NKAIN2: variants seen among roughly 807,000 people sequenced by gnomAD.
NKAIN2 encodes sodium/potassium transporting ATPase interacting 2, also known as sodium/potassium-transporting ATPase subunit beta-1-interacting protein 2.
NKAIN2 carries 14 observed loss-of-function variants against 32.6 expected under a neutral mutation model. That is an observed-to-expected ratio of 0.43 (90% CI 0.28 to 0.67). The LOEUF (loss-of-function observed/expected upper bound fraction) is 0.67. Ranked by LOEUF, NKAIN2 falls within the 30% of genes least tolerant of loss-of-function variation. The pLI is 0.17. For missense variants in NKAIN2, 198 were observed against 258.3 expected (o/e 0.77, Z 1.60); for synonymous variants, 80 against 87.2 (o/e 0.92, Z 0.46).
chr6:124,711,555 TC>T (rs1365272778), intron 4 of NKAIN2, among the ~76,000 whole-genome samples: 4 of 151,062 alleles, frequency 2.6e-5, no homozygotes, highest in African/African-American at 9.7e-5. Flanking sequence ...CCTTCTCGCT[TC>T]ATTTCATTCA....
chr6:124,627,990 CACAT>C (rs1257460186), intron 3 of NKAIN2, among the ~76,000 whole-genome samples: 3 of 152,308 alleles, frequency 2.0e-5, no homozygotes, highest in South Asian at 4.1e-4. Context: ...CACTTACATT[CACAT>C]ACATACACAC....
At position 124,256,991 on chromosome 6, in the gene NKAIN2, A is replaced by G. The variant is rs555865336; in HGVS notation, c.55-26014A>G. Among the ~76,000 whole-genome samples, 342 of 150,414 alleles carry G rather than the reference A, an allele frequency of 2.3e-3. 1 individual carries two copies. The highest frequency in any genetic ancestry group is 7.9e-3 in the African/African-American group (324 of 40,838). ...TTTGGAAGTGAGGGAGATAAATACA[A>G]TCTTATGCCTGAGATCTCTGATGGT... is the stretch of plus-strand genomic sequence containing the variant. On this transcript the variant is annotated intron_variant, in intron 1 of 6. Transcript: ENST00000368417.
chr6:124,521,544 C>T (rs1246684415), intron 3 of NKAIN2, among the ~76,000 whole-genome samples: 2 of 152,092 alleles, frequency 1.3e-5, no homozygotes, highest in African/African-American at 4.8e-5. Context: ...GGGACAAATA[C>T]GTGAATGCTG....
At chr6:124,556,785 T>G (rs1415728004) in intron 3 of NKAIN2, among the ~76,000 whole-genome samples, 1 of 152,214 alleles carries the variant, frequency 6.6e-6, no homozygotes, top group Non-Finnish European at 1.5e-5. Context: ...GTTTCATACT[T>G]TGTTGAAGTC....
At chr6:124,085,068 T>C (rs940836126) in intron 1 of NKAIN2, among the ~76,000 whole-genome samples, 3 of 151,998 alleles carry the variant, frequency 2.0e-5, no homozygotes, top group Non-Finnish European at 4.4e-5. Context: ...ATAGTGTATT[T>C]TGTAGGGAGA....
intron 1 of NKAIN2, among the ~76,000 whole-genome samples, chr6:124,093,190 C>T (rs1230638447): frequency 2.0e-5 from 3 of 152,212 alleles, no homozygotes; most frequent in Middle Eastern, 3.4e-3. Context: ...ATGGGGAAGA[C>T]AACCATGGCT....
intron 1 of NKAIN2, among the ~76,000 whole-genome samples, chr6:124,131,531 C>T (rs531059912): frequency 2.1e-4 from 32 of 152,198 alleles, no homozygotes; most frequent in East Asian, 3.9e-4. Flanking sequence ...GCAAAATCAG[C>T]GAGACAGGCA....
intron 1 of NKAIN2, among the ~76,000 whole-genome samples, chr6:124,248,560 A>G (rs1793534136): frequency 6.6e-6 from 1 of 152,118 alleles, no homozygotes; most frequent in East Asian, 1.9e-4. Flanking sequence ...TTCAAACATT[A>G]TCATACATTC....
intron 3 of NKAIN2, among the ~76,000 whole-genome samples, chr6:124,356,614 G>C (rs556662452): frequency 3.4e-4 from 52 of 152,164 alleles, no homozygotes; most frequent in African/African-American, 1.2e-3. Context: ...TGGTTAGCAG[G>C]CAGCCTTTTC....
intron 1 of NKAIN2, among the ~76,000 whole-genome samples, chr6:123,922,611 G>A (rs1278406399): frequency 6.6e-6 from 1 of 152,108 alleles, no homozygotes; most frequent in Admixed American, 6.6e-5. Flanking sequence ...CCAAATTTTA[G>A]AATTATGTGC....
intron 2 of NKAIN2, among the ~76,000 whole-genome samples, chr6:124,314,309 A>G (rs1298493082): frequency 6.6e-6 from 1 of 152,156 alleles, no homozygotes; most frequent in Non-Finnish European, 1.5e-5. Context: ...CAAACCATTC[A>G]GGACTTTGGG....
At chr6:124,467,603 G>A (rs1237211196) in intron 3 of NKAIN2, among the ~76,000 whole-genome samples, 1 of 151,960 alleles carries the variant, frequency 6.6e-6, no homozygotes, top group East Asian at 1.9e-4. Context: ...GTGATTCAAA[G>A]TCTAGGGCAA....
intron 4 of NKAIN2, among the ~76,000 whole-genome samples, chr6:124,699,912 A>G (rs193260989): frequency 6.6e-6 from 1 of 152,336 alleles, no homozygotes; most frequent in East Asian, 1.9e-4. Context: ...GCAAGATCAC[A>G]TTGAGAAGAG....
At chr6:124,600,363 G>A (rs1305234470) in intron 3 of NKAIN2, among the ~76,000 whole-genome samples, 4 of 151,830 alleles carry the variant, frequency 2.6e-5, no homozygotes, top group Admixed American at 2.0e-4. Flanking sequence ...ATATAGAAGC[G>A]GTCAATCTGA....
At chr6:123,940,849 A>T (rs1020620644) in intron 1 of NKAIN2, among the ~76,000 whole-genome samples, 10 of 151,910 alleles carry the variant, frequency 6.6e-5, no homozygotes, top group East Asian at 3.9e-4. Flanking sequence ...TATTTAAAAA[A>T]TTTTTCATTC....
At chr6:124,353,884 G>A (rs1420603368) in intron 2 of NKAIN2, among the ~76,000 whole-genome samples, 2 of 152,182 alleles carry the variant, frequency 1.3e-5, no homozygotes, top group Non-Finnish European at 2.9e-5. Flanking sequence ...GTAACAAGGT[G>A]CAAGATCATG....
chr6:124,523,073 G>A (rs1779178447), intron 3 of NKAIN2, among the ~76,000 whole-genome samples: 1 of 90,984 alleles, frequency 1.1e-5, no homozygotes, highest in African/African-American at 3.1e-5. Context: ...AACCCGGGAG[G>A]CGGAGCTTGC....
At chr6:124,411,115 T>C (rs1774153096) in intron 3 of NKAIN2, among the ~76,000 whole-genome samples, 1 of 152,124 alleles carries the variant, frequency 6.6e-6, no homozygotes, top group South Asian at 2.1e-4. Flanking sequence ...AGCACACTGA[T>C]GGGTCTTGAC....
At chr6:124,064,152 C>T (rs905690065) in intron 1 of NKAIN2, among the ~76,000 whole-genome samples, 1 of 152,078 alleles carries the variant, frequency 6.6e-6, no homozygotes, top group African/African-American at 2.4e-5. Flanking sequence ...TGGGTTTCAC[C>T]ATGTTAGCCA....
Sources: allele counts gnomAD v4.1 joint callset (sites outside exome capture counted in the v4.1 genomes callset), GRCh38; gene constraint gnomAD v4.1.1; transcripts MANE v1.5; gene names NCBI Gene and HGNC (gene_info 2026-07-23, HGNC 2026-07-21).